POLG: variants seen among roughly 807,000 people sequenced by gnomAD.
POLG encodes DNA polymerase gamma, catalytic subunit.
POLG carries 110 observed loss-of-function variants against 155.4 expected under a neutral mutation model. The ratio of observed to expected loss-of-function variants is 0.71; its 90% CI spans 0.61 to 0.83. The LOEUF (loss-of-function observed/expected upper bound fraction) is 0.83, where lower values mean the gene tolerates loss of function less well. Ranked by LOEUF, POLG falls within the 40% of genes least tolerant of loss-of-function variation. POLG has a pLI of 0.00. For missense variants in POLG, 1,685 were observed against 1,627.5 expected (o/e 1.04, Z -0.61); for synonymous variants, 701 against 631.5 (o/e 1.11, Z -1.65).
In POLG at chr15:89,323,437, G is replaced by T. The variant is rs2055427056; in HGVS notation, c.2232C>A (p.Ile744=). ...HGNGPYNDVD[I]PGCWFFKLPH... ...GCAGCTTGAAAAACCAGCAGCCAGG[G>T]ATGTCCACGTCGTTGTAAGGTCCAT... Residue 744 remains isoleucine (I), a synonymous_variant, in exon 13 of 23, where the codon ATC becomes ATA. Coordinates refer to ENST00000268124, the MANE Select transcript of POLG (RefSeq NM_002693.3). 2 of 1,613,578 alleles carry T rather than the reference G, an allele frequency of 1.2e-6. No homozygotes were observed. Among genetic ancestry groups the T allele is most frequent in the African/African-American group, 2.7e-5 (2 of 74,926 alleles).
chr15:89,320,669 A>C (rs2055380990), intron 18 of POLG, 97 bp downstream of exon 18: 2 of 1,391,232 alleles, frequency 1.4e-6, no homozygotes, highest in East Asian at 4.6e-5. Flanking sequence ...TGAGAGTTCA[A>C]GTAATGGGCA....
intron 10 of POLG, among the ~76,000 whole-genome samples, chr15:89,325,057 AGAGTGAGTGAGTGAGTGAGT>A (rs1173555720): frequency 1.4e-4 from 12 of 87,638 alleles, no homozygotes; most frequent in African/African-American, 7.9e-4. Flanking sequence ...AGTGAGTGAG[AGAGTGAGTGAGTGAGTGAGT>A]GAGTGAGAGA....
intron 10 of POLG, among the ~76,000 whole-genome samples, chr15:89,325,145 AGTGAGT>A (rs1282425051): frequency 1.1e-4 from 5 of 47,374 alleles, no homozygotes; most frequent in South Asian, 2.4e-3. Flanking sequence ...TGAGTGAGAG[AGTGAGT>A]GAGTGAGTGA....
rs188348569 is a variant in POLG at position 89,317,495 on chromosome 15, T to C, written c.3524A>G (p.Gln1175Arg). 6.2e-7 allele frequency: 1 copy of C among 1,614,162 alleles called. No homozygotes were observed. The highest frequency in any genetic ancestry group is 1.3e-5 in the African/African-American group (1 of 75,046). ...GACTGCACTGAAAAAGGCGACTGAC[T>C]GGGGCAAGTCATTCAGACCCAGCTT... ...AYKLGLNDLPQSVAFFSAVDI... is the reference protein window; with the variant it reads ...AYKLGLNDLPRSVAFFSAVDI... The change falls in exon 22 of 23, where the codon CAG (glutamine) becomes CGG (arginine). Residue 1175 changes from glutamine to arginine, a missense_variant. Gln to Arg is a conservative substitution (Grantham distance 43). Around this residue, in one of 3 missense-constraint regions of POLG, gnomAD observed 470 missense variants for 439.9 expected, o/e 1.07. Coordinates refer to ENST00000268124, the MANE Select transcript of POLG (RefSeq NM_002693.3).
chr15:89,320,200 T>C (rs549304042), intron 18 of POLG, among the ~76,000 whole-genome samples: 131 of 152,360 alleles, frequency 8.6e-4, no homozygotes, highest in African/African-American at 3.1e-3. Flanking sequence ...GTGGACAGTG[T>C]ACTGTACCTC....
At position 89,319,358 on chromosome 15, in the gene POLG, C is replaced by A; in HGVS notation, c.2982-8G>T. 1 of 1,613,606 alleles carries A rather than the reference C, an allele frequency of 6.2e-7. No homozygotes were observed. Among genetic ancestry groups the A allele is most frequent in the Non-Finnish European group, 8.5e-7 (1 of 1,180,016 alleles). On this transcript the variant is annotated splice_polypyrimidine_tract_variant and splice_region_variant and intron_variant, in intron 18 of 22. Coordinates refer to ENST00000268124, the MANE Select transcript of POLG (RefSeq NM_002693.3). ...TCATCCGACAGCCGATACCTGGGGG[C>A]AGTGTTATCACCATCATTCCACGGG... is the stretch of plus-strand genomic sequence containing the variant.
At chr15:89,317,289 G>T in intron 22 of POLG, 87 bp downstream of exon 22, 1 of 1,338,674 alleles carries the variant, frequency 7.5e-7, no homozygotes, top group Non-Finnish European at 1.1e-6. Context: ...GGATTCTCTG[G>T]GGCCCCAAGT....
At position 89,333,614 on chromosome 15, in the gene POLG, C is replaced by CTGT. The variant is rs1397675423; in HGVS notation, c.140_141insACA (p.Gln55dup). On this transcript the variant is annotated inframe_insertion, in exon 2 of 23. Transcript: ENST00000268124. ...GCTGCTGTTGCTGCTGCTGCTGCTG[C>CTGT]TGCTGCTGCTGCTGCCGCCGCCGCT... 3.1e-6 allele frequency: 5 copies of CTGT among 1,600,452 alleles called. No homozygotes were observed. The highest frequency in any genetic ancestry group is 4.3e-6 in the Non-Finnish European group (5 of 1,175,706).
chr15:89,329,820 C>G (rs994139177), intron 3 of POLG, among the ~76,000 whole-genome samples: 1 of 152,164 alleles, frequency 6.6e-6, no homozygotes, highest in Non-Finnish European at 1.5e-5. Context: ...ACCTTCAAGA[C>G]CCATGCTAAG....
chr15:89,316,958 AATGTTAC>A, intron 22 of POLG, 131 bp from the exon 23 acceptor site: 2 of 738,862 alleles, frequency 2.7e-6, no homozygotes, highest in South Asian at 1.4e-5. Flanking sequence ...CACGAACGGT[AATGTTAC>A]ATGTTAGGAG....
In POLG at chr15:89,316,388, C is replaced by G. The variant is rs750218626; in HGVS notation, c.*363G>C. On this transcript the variant is annotated 3_prime_UTR_variant, in exon 23 of 23. Transcript: ENST00000268124. The stretch of plus-strand genomic sequence containing the variant: ...ATCACGTTAGAGCATTAATTCTTTC[C>G]CCTTCTAGGGCACTGCATCAGAGCA... 6.2e-7 allele frequency: 1 copy of G among 1,610,188 alleles called. No individual in the cohort carries two copies. The highest frequency in any genetic ancestry group is 2.2e-5 in the East Asian group (1 of 44,728).
chr15:89,325,111 A>AGAGTGAGTGAGTGAGTGAGAGAGT (rs2055470735), intron 10 of POLG, among the ~76,000 whole-genome samples: 1 of 36,942 alleles, frequency 2.7e-5, no homozygotes, highest in East Asian at 6.7e-4. Context: ...AGAGTGAGAG[A>AGAGTGAGTGAGTGAGTGAGAGAGT]GAGTGAGTGA....
At chr15:89,321,333 A>G (rs1018410829) in intron 16 of POLG, 73 bp from the exon 17 acceptor site, 48 of 1,547,856 alleles carry the variant, frequency 3.1e-5, no homozygotes, top group Non-Finnish European at 4.1e-5. Context: ...ACTGAGAAAG[A>G]GCTAGAGCCT....
chr15:89,327,107 G>C (rs772517522), intron 7 of POLG, 44 bp from the exon 8 acceptor site: 18 of 1,613,964 alleles, frequency 1.1e-5, no homozygotes, highest in Non-Finnish European at 1.7e-6. Context: ...CTAAGCCGAA[G>C]GCTAGGCCGC....
chr15:89,333,224 C>T lies in POLG; in HGVS notation c.531G>A (p.Arg177=). Residue 177 remains arginine, a synonymous_variant, in exon 2 of 23, where the codon CGG becomes CGA. Coordinates refer to ENST00000268124, the MANE Select transcript of POLG (RefSeq NM_002693.3). ...GTACGGCCTCCCCCTCGGGGCCGTA[C>T]CGGGTCCAGCCCTCCGCCCAGGCCC... The part of the protein sequence containing the change: ...PAWAWAEGWT[R]YGPEGEAVPV... 1 of 1,579,026 alleles carries T rather than the reference C, an allele frequency of 6.3e-7. No individual in the cohort carries two copies. The highest frequency in any genetic ancestry group is 8.6e-7 in the Non-Finnish European group (1 of 1,159,822).
intron 8 of POLG, 82 bp downstream of exon 8, chr15:89,326,829 AT>A: frequency 6.2e-7 from 1 of 1,608,296 alleles, no homozygotes; most frequent in Non-Finnish European, 8.5e-7. Flanking sequence ...GGCTGGAGCA[AT>A]CCTTTCGAAG....
intron 9 of POLG, 65 bp downstream of exon 9, chr15:89,326,547 G>GGGC: frequency 6.3e-7 from 1 of 1,585,564 alleles, no homozygotes; most frequent in Non-Finnish European, 8.6e-7. Context: ...ACCCAGACCA[G>GGGC]GGCTGTCCTG....
At position 89,320,924 on chromosome 15, in the gene POLG, G is replaced by C. The variant is rs1351580439; in HGVS notation, c.2823C>G (p.Ile941Met). 6.2e-7 allele frequency: 1 copy of C among 1,613,988 alleles called. No individual in the cohort carries two copies. Among genetic ancestry groups the C allele is most frequent in the Non-Finnish European group, 8.5e-7 (1 of 1,180,020 alleles). ...LHSKTATTVG[I>M]SREHAKIFNY... Reference sequence around the variant, plus strand: ...TGAAGATTTTGGCATGCTCACGGCTGATGCCCACAGTAGTGGCTGTCTTAC... The same window carrying C: ...TGAAGATTTTGGCATGCTCACGGCTCATGCCCACAGTAGTGGCTGTCTTAC... Residue 941 changes from isoleucine to methionine, a missense_variant, in exon 18 of 23, where the codon ATC becomes ATG. By Grantham distance (10) the Ile-to-Met change is conservative (BLOSUM62 1). Around this residue, in one of 3 missense-constraint regions of POLG, gnomAD observed 470 missense variants for 439.9 expected, o/e 1.07. Coordinates refer to ENST00000268124, the MANE Select transcript of POLG (RefSeq NM_002693.3).
At chr15:89,332,014 T>A (rs931615908) in intron 2 of POLG, among the ~76,000 whole-genome samples, 2 of 152,144 alleles carry the variant, frequency 1.3e-5, no homozygotes, top group African/African-American at 4.8e-5. Context: ...GACCGACAGA[T>A]CAAAAAACAA....
Sources: gnomAD v4.1 joint callset for allele counts (sites outside exome capture counted in the v4.1 genomes callset) on GRCh38, gnomAD v4.1.1 for gene constraint, gnomAD v4.1.1 regional missense constraint, MANE v1.5 for transcripts, NCBI Gene and HGNC (gene_info 2026-07-23, HGNC 2026-07-21) for gene names.